Variants in ST18 observed in about 807,000 individuals in gnomAD.
ST18 encodes the protein ST18 C2H2C-type zinc finger transcription factor.
A neutral mutation model predicts 110.0 loss-of-function variants in ST18; 50 were observed. That is an observed-to-expected ratio of 0.45 (90% CI 0.36 to 0.58). ST18 has a LOEUF of 0.58. ST18 is among the 20% of genes least tolerant of loss of function. The probability of loss-of-function intolerance (pLI) is 0.00; values close to 1 mark genes in which losing one functional copy is unlikely to be tolerated. For synonymous variants in ST18, 461 were observed against 452.4 expected, an observed-to-expected ratio of 1.02 and a Z score of -0.24; for missense variants, 1,306 against 1,280.1, an observed-to-expected ratio of 1.02 and a Z score of -0.31.
At chr8:52,396,819 G>A (rs947546109) in intron 2 of ST18, among the ~76,000 whole-genome samples, 19 of 152,128 alleles carry the variant, frequency 1.2e-4, no homozygotes, top group Non-Finnish European at 4.4e-5. Flanking sequence ...TTTGGGTGGG[G>A]ACACAGAGCC....
At chr8:52,256,193 C>T (rs755179518) in intron 2 of ST18, among the ~76,000 whole-genome samples, 4 of 152,226 alleles carry the variant, frequency 2.6e-5, no homozygotes, top group Non-Finnish European at 5.9e-5. Flanking sequence ...ACTGTATGCA[C>T]GCAGATTCAC....
chr8:52,187,542 T>C (rs894557140), intron 8 of ST18, among the ~76,000 whole-genome samples: 1 of 152,226 alleles, frequency 6.6e-6, no homozygotes, highest in African/African-American at 2.4e-5. Flanking sequence ...CAGTCTTACT[T>C]TGTAGAGGCC....
At chr8:52,375,519 G>A (rs947244222) in intron 2 of ST18, among the ~76,000 whole-genome samples, 3 of 152,094 alleles carry the variant, frequency 2.0e-5, no homozygotes, top group Admixed American at 6.5e-5. Context: ...AACACACTCT[G>A]TTGTTTTTCT....
intron 10 of ST18, among the ~76,000 whole-genome samples, chr8:52,168,642 G>C (rs1297765262): frequency 6.6e-6 from 1 of 152,192 alleles, no homozygotes; most frequent in Non-Finnish European, 1.5e-5. Context: ...CGAACGGCCA[G>C]ATGATGGGGC....
At chr8:52,192,784 T>A (rs938774035) in intron 8 of ST18, among the ~76,000 whole-genome samples, 2 of 152,222 alleles carry the variant, frequency 1.3e-5, no homozygotes, top group East Asian at 3.9e-4. Flanking sequence ...GGTCTGAGGA[T>A]CTTGGTTCCC....
At chr8:52,137,190 A>G (rs936417686) in intron 18 of ST18, among the ~76,000 whole-genome samples, 1 of 152,210 alleles carries the variant, frequency 6.6e-6, no homozygotes, top group Non-Finnish European at 1.5e-5. Flanking sequence ...CCGAAGCCTG[A>G]CATGAGCTCA....
chr8:52,259,823 A>T (rs1262122378), intron 2 of ST18, among the ~76,000 whole-genome samples: 2 of 152,232 alleles, frequency 1.3e-5, no homozygotes, highest in Non-Finnish European at 2.9e-5. Context: ...AATTTCACTT[A>T]TATCTACACA....
intron 2 of ST18, among the ~76,000 whole-genome samples, chr8:52,318,476 G>A (rs371832464): frequency 4.6e-5 from 7 of 152,246 alleles, no homozygotes; most frequent in African/African-American, 1.2e-4. Flanking sequence ...CAACCATTGC[G>A]GAAGACAGTG....
chr8:52,371,473 C>T (rs1317631351), intron 2 of ST18, among the ~76,000 whole-genome samples: 3 of 152,072 alleles, frequency 2.0e-5, no homozygotes, highest in Non-Finnish European at 4.4e-5. Flanking sequence ...TCAAATCATG[C>T]ATATTGTGTA....
In ST18 at chr8:52,135,908, T is replaced by C. The variant is rs182995618; in HGVS notation, c.2300+682A>G. 2.6e-5 allele frequency among the ~76,000 whole-genome samples: 4 copies of C among 152,214 alleles called. No individual in the cohort carries two copies. The South Asian group carries it at 8.3e-4, about 31-fold the overall frequency. Reference sequence around the variant, plus strand: ...CTCATTTTTTCTAAAGCTTTATTATTTGTAAAAAGATGTAATTAGTTTTGT... The same window carrying C: ...CTCATTTTTTCTAAAGCTTTATTATCTGTAAAAAGATGTAATTAGTTTTGT... On this transcript the variant is annotated intron_variant, in intron 19 of 25. Coordinates refer to ENST00000689386, the MANE Select transcript of ST18 (RefSeq NM_001352837.2).
At chr8:52,330,580 C>T (rs1044734690) in intron 2 of ST18, among the ~76,000 whole-genome samples, 4 of 152,204 alleles carry the variant, frequency 2.6e-5, no homozygotes, top group East Asian at 1.9e-4. Context: ...CATTCTCTAT[C>T]GTAAGTCAAG....
intron 8 of ST18, chr8:52,199,458 G>C (rs1161401843): frequency 6.6e-6 from 1 of 152,084 alleles, no homozygotes; most frequent in Non-Finnish European, 1.5e-5. Flanking sequence ...GGGATCGTGG[G>C]GTTAAAAACC....
At chr8:52,245,472 G>A (rs1419546085) in intron 2 of ST18, among the ~76,000 whole-genome samples, 8 of 152,076 alleles carry the variant, frequency 5.3e-5, no homozygotes, top group Admixed American at 2.6e-4. Flanking sequence ...TTACACACTG[G>A]CCTTCTGCCA....
chr8:52,399,275 T>C (rs1032337952), intron 2 of ST18, among the ~76,000 whole-genome samples: 14 of 152,042 alleles, frequency 9.2e-5, no homozygotes, highest in African/African-American at 3.4e-4. Flanking sequence ...GATGTGTCTG[T>C]TGTAATGTCT....
At chr8:52,271,004 T>C (rs1214413219) in intron 2 of ST18, among the ~76,000 whole-genome samples, 1 of 151,220 alleles carries the variant, frequency 6.6e-6, no homozygotes, top group Non-Finnish European at 1.5e-5. Flanking sequence ...GTTCACGCCA[T>C]TCTCCTGCCT....
intron 10 of ST18, among the ~76,000 whole-genome samples, chr8:52,170,495 T>TAAATAAAA (rs1554654277): frequency 6.7e-6 from 1 of 149,240 alleles, no homozygotes; most frequent in Non-Finnish European, 1.5e-5. Flanking sequence ...AATAAATAAA[T>TAAATAAAA]AAAAATGGAG....
chr8:52,195,498 A>T (rs2075918912), intron 8 of ST18, among the ~76,000 whole-genome samples: 1 of 152,096 alleles, frequency 6.6e-6, no homozygotes, highest in Non-Finnish European at 1.5e-5. Flanking sequence ...GATCATAAAG[A>T]AAGATAAAAA....
chr8:52,235,292 C>T (rs770509269), intron 2 of ST18, among the ~76,000 whole-genome samples: 1 of 152,110 alleles, frequency 6.6e-6, no homozygotes, highest in Non-Finnish European at 1.5e-5. Context: ...ACCTGGTCTC[C>T]GAGTTCCCAC....
intron 15 of ST18, among the ~76,000 whole-genome samples, chr8:52,156,482 C>T (rs1241883227): frequency 6.6e-6 from 1 of 152,180 alleles, no homozygotes; most frequent in Non-Finnish European, 1.5e-5. Context: ...GGCTAGCATT[C>T]AATGTGGAGG....
Sources: allele counts gnomAD v4.1 joint callset (sites outside exome capture counted in the v4.1 genomes callset), GRCh38; gene constraint gnomAD v4.1.1; transcripts MANE v1.5; gene names NCBI Gene and HGNC (gene_info 2026-07-23, HGNC 2026-07-21).